The following AKAIN1 variants were observed in gnomAD, a reference collection of about 807,000 sequenced individuals.
The protein encoded by AKAIN1 is A-kinase anchor inhibitor 1.
In AKAIN1, 3 loss-of-function variants were observed where a neutral mutation model predicts 3.7. That is an observed-to-expected ratio of 0.82 (90% CI 0.37 to 2.12). The LOEUF is 2.12. Ranked by LOEUF, AKAIN1 falls within the 30% of genes most tolerant of loss-of-function variation. The probability of loss-of-function intolerance (pLI) is 0.06; values close to 1 mark genes in which losing one functional copy is unlikely to be tolerated. For synonymous variants in AKAIN1, 31 were observed against 30.8 expected (o/e 1.01, Z -0.02); for missense variants, 82 against 82.7 (o/e 0.99, Z 0.03).
intron 1 of AKAIN1, among the ~76,000 whole-genome samples, chr18:5,155,168 G>C (rs1393997175): frequency 6.6e-6 from 1 of 152,064 alleles, no homozygotes; most frequent in East Asian, 2.0e-4. Flanking sequence ...TGACAGGCGC[G>C]AGCCACTGCA....
Position 5,173,771 on chromosome 18 carries a change from T to C in AKAIN1, c.16+23267A>G, listed in dbSNP as rs182311751. 2.4e-3 allele frequency among the ~76,000 whole-genome samples: 370 copies of C among 152,276 alleles called. 3 individuals are homozygous for C. Among genetic ancestry groups the C allele is most frequent in the African/African-American group, 8.5e-3 (354 of 41,572 alleles). ...GTGATCTCTAAACACTCTGTTGCAC[T>C]GATAGCGCCTGTAGCATTAAGTGCT... On this transcript the variant is annotated intron_variant, in intron 1 of 1. Transcript: ENST00000434239.
intron 1 of AKAIN1, among the ~76,000 whole-genome samples, chr18:5,182,306 A>G (rs1336187654): frequency 6.6e-6 from 1 of 152,134 alleles, no homozygotes; most frequent in Non-Finnish European, 1.5e-5. Flanking sequence ...TCCACATGCA[A>G]ATGTATATAA....
chr18:5,158,527 C>T (rs1459235289), intron 1 of AKAIN1, among the ~76,000 whole-genome samples: 1 of 152,192 alleles, frequency 6.6e-6, no homozygotes, highest in Non-Finnish European at 1.5e-5. Flanking sequence ...CCTCCTCTTC[C>T]CTTTGCATGC....
At chr18:5,192,218 C>T (rs1426415854) in intron 1 of AKAIN1, among the ~76,000 whole-genome samples, 1 of 151,982 alleles carries the variant, frequency 6.6e-6, no homozygotes, top group African/African-American at 2.4e-5. Context: ...AATAGATGCT[C>T]ATAAATATAG....
intron 1 of AKAIN1, among the ~76,000 whole-genome samples, chr18:5,196,645 C>T (rs920420954): frequency 9.8e-5 from 15 of 152,340 alleles, no homozygotes; most frequent in African/African-American, 3.1e-4. Context: ...GGGGAAGTAG[C>T]AGTGAGGGAG....
At chr18:5,157,786 C>T (rs1215970554) in intron 1 of AKAIN1, among the ~76,000 whole-genome samples, 2 of 152,116 alleles carry the variant, frequency 1.3e-5, no homozygotes, top group Non-Finnish European at 2.9e-5. Flanking sequence ...TCACTGCAGC[C>T]TTGAACTCCC....
In AKAIN1 at chr18:5,143,034, C is replaced by G. The variant is rs1288200929; in HGVS notation, c.*2528G>C. On this transcript the variant is annotated 3_prime_UTR_variant, in exon 2 of 2. Transcript: ENST00000434239. ...CAGAGAAGACGAACAGCTGAACACACAGAGATGGGAAGCCTGTGTATGCAG... is the reference window on the plus strand; with the variant it reads ...CAGAGAAGACGAACAGCTGAACACAGAGAGATGGGAAGCCTGTGTATGCAG... 2.0e-5 allele frequency among the ~76,000 whole-genome samples: 3 copies of G among 152,120 alleles called. No individual in the cohort carries two copies. The highest frequency in any genetic ancestry group is 1.9e-4 in the East Asian group (1 of 5,188).
intron 1 of AKAIN1, among the ~76,000 whole-genome samples, chr18:5,155,257 G>T (rs979123006): frequency 2.0e-5 from 3 of 152,108 alleles, no homozygotes; most frequent in Non-Finnish European, 1.5e-5. Flanking sequence ...GTGCAGTGAG[G>T]GTTTTGCATC....
chr18:5,155,257 G>A (rs979123006), intron 1 of AKAIN1, among the ~76,000 whole-genome samples: 2 of 152,108 alleles, frequency 1.3e-5, no homozygotes, highest in Non-Finnish European at 2.9e-5. Context: ...GTGCAGTGAG[G>A]GTTTTGCATC....
At chr18:5,169,043 T>C (rs1017951316) in intron 1 of AKAIN1, among the ~76,000 whole-genome samples, 1 of 151,658 alleles carries the variant, frequency 6.6e-6, no homozygotes, top group Admixed American at 6.6e-5. Context: ...AAGTCTAAAA[T>C]ATGCAGGGCG....
intron 1 of AKAIN1, among the ~76,000 whole-genome samples, chr18:5,179,060 T>A (rs1021880735): frequency 6.6e-6 from 1 of 152,184 alleles, no homozygotes; most frequent in African/African-American, 2.4e-5. Flanking sequence ...CACCATTTTT[T>A]AAAATCGACT....
chr18:5,183,117 C>T (rs1412310169), intron 1 of AKAIN1, among the ~76,000 whole-genome samples: 3 of 152,000 alleles, frequency 2.0e-5, no homozygotes. Flanking sequence ...CATTTAGAGC[C>T]TCACTTTTAT....
intron 1 of AKAIN1, among the ~76,000 whole-genome samples, chr18:5,154,190 A>C (rs2071094188): frequency 6.6e-6 from 1 of 152,338 alleles, no homozygotes; most frequent in Middle Eastern, 3.4e-3. Flanking sequence ...AACCATGAAG[A>C]AAAAATTGGA....
At chr18:5,197,529 T>C, upstream of AKAIN1, 1 of 897,802 alleles carries the variant, frequency 1.1e-6, no homozygotes, top group Non-Finnish European at 1.4e-6. The surrounding 1 kb of genome is among the most constrained non-coding windows in gnomAD (Gnocchi z 6.9). Flanking sequence ...CTAAGAGCTT[T>C]CTTTACTCTC....
intron 1 of AKAIN1, among the ~76,000 whole-genome samples, chr18:5,167,457 T>C (rs2071173619): frequency 6.6e-6 from 1 of 152,078 alleles, no homozygotes; most frequent in South Asian, 2.1e-4. Flanking sequence ...AAATCAGGAC[T>C]CTTCTACATG....
intron 1 of AKAIN1, among the ~76,000 whole-genome samples, chr18:5,186,861 G>T (rs1447655809): frequency 1.3e-5 from 2 of 152,076 alleles, no homozygotes; most frequent in Non-Finnish European, 2.9e-5. Context: ...ATAATAGAAT[G>T]AAACTAGAAA....
rs147095340 is a variant in AKAIN1 at position 5,186,114 on chromosome 18, C to T, written c.16+10924G>A. On this transcript the variant is annotated intron_variant, in intron 1 of 1. Coordinates refer to ENST00000434239, the MANE Select transcript of AKAIN1 (RefSeq NM_001145194.2). Reference sequence around the variant, plus strand: ...GAGGCCATTATCATAAGTAAACTAACACAGGAACAGAAAACCAAATACTGC... The same window carrying T: ...GAGGCCATTATCATAAGTAAACTAATACAGGAACAGAAAACCAAATACTGC... 3.5e-3 allele frequency among the ~76,000 whole-genome samples: 531 copies of T among 152,162 alleles called. 4 individuals carry two copies. Among genetic ancestry groups the T allele is most frequent in the African/African-American group, 0.012 (504 of 41,536 alleles).
intron 1 of AKAIN1, among the ~76,000 whole-genome samples, chr18:5,161,334 G>A (rs183388928): frequency 2.9e-4 from 44 of 152,038 alleles, no homozygotes; most frequent in African/African-American, 1.1e-3. Flanking sequence ...TTTTCTAAGT[G>A]TTTATTGTTA....
intron 1 of AKAIN1, among the ~76,000 whole-genome samples, chr18:5,146,595 C>T (rs1035338334): frequency 5.9e-5 from 9 of 152,180 alleles, no homozygotes; most frequent in Non-Finnish European, 8.8e-5. Context: ...TGAAACTATC[C>T]GAAGCTGCCC....
Sources: allele counts gnomAD v4.1 joint callset (sites outside exome capture counted in the v4.1 genomes callset), GRCh38; gene constraint gnomAD v4.1.1; non-coding constraint Gnocchi (gnomAD v3.1); transcripts MANE v1.5; gene names NCBI Gene and HGNC (gene_info 2026-07-23, HGNC 2026-07-21).